KANK1: variants seen among roughly 807,000 people sequenced by gnomAD.
KANK1 encodes the protein KN motif and ankyrin repeat domain-containing protein 1.
A neutral mutation model predicts 106.2 loss-of-function variants in KANK1; 109 were observed. The observed-to-expected ratio is 1.03, with a 90% CI of 0.88 to 1.20. The LOEUF is 1.20. Among genes scored for constraint, KANK1 ranks in the 50% most tolerant of loss-of-function variants. KANK1 has a pLI of 0.00. For synonymous variants in KANK1, 873 were observed against 652.2 expected, an observed-to-expected ratio of 1.34 and a Z score of -5.16; for missense variants, 2,399 against 1,710.7, an observed-to-expected ratio of 1.40 and a Z score of -7.10.
intron 5 of KANK1, 176 bp downstream of exon 5, chr9:731,442 T>C (rs1390273660): frequency 4.0e-6 from 2 of 499,370 alleles, no homozygotes; most frequent in Non-Finnish European, 7.3e-6. Context: ...TGGTGCTGTC[T>C]TTAAGGATTT....
At chr9:545,665 G>C (rs76109924) in intron 1 of KANK1, among the ~76,000 whole-genome samples, 1 of 151,334 alleles carries the variant, frequency 6.6e-6, no homozygotes, top group East Asian at 2.0e-4. Flanking sequence ...AGAACTTTCA[G>C]GGACTTCATG....
chr9:679,449 C>T (rs1454371146), intron 2 of KANK1, among the ~76,000 whole-genome samples: 1 of 152,140 alleles, frequency 6.6e-6, no homozygotes, highest in Non-Finnish European at 1.5e-5. Context: ...GAGTCTTGCT[C>T]TGTCACCCAG....
intron 2 of KANK1, among the ~76,000 whole-genome samples, chr9:694,859 G>A (rs553603547): frequency 4.6e-5 from 7 of 152,256 alleles, no homozygotes; most frequent in South Asian, 2.1e-4. Context: ...TGAGTGGGAC[G>A]TGCAGAGGGG....
chr9:605,058 C>T (rs773652201), intron 1 of KANK1, among the ~76,000 whole-genome samples: 3 of 151,544 alleles, frequency 2.0e-5, no homozygotes, highest in Non-Finnish European at 4.4e-5. Flanking sequence ...AATCCCAGCT[C>T]TTTGGGAGGC....
chr9:586,610 T>C (rs1263944511), intron 1 of KANK1, among the ~76,000 whole-genome samples: 7 of 152,150 alleles, frequency 4.6e-5, no homozygotes. Flanking sequence ...GTGTGTGTTA[T>C]GGAGTGGTCT....
intron 1 of KANK1, among the ~76,000 whole-genome samples, chr9:583,875 A>T: frequency 6.6e-6 from 1 of 152,092 alleles, no homozygotes; most frequent in East Asian, 1.9e-4. Flanking sequence ...AACCCCAAAG[A>T]TATGCTAATC....
At chr9:732,785 C>CT in intron 6 of KANK1, 168 bp downstream of exon 6, 1 of 641,984 alleles carries the variant, frequency 1.6e-6, no homozygotes, top group Non-Finnish European at 2.6e-6. Context: ...TATTACAACT[C>CT]TTAGATCTCT....
In KANK1 at chr9:608,278, C is replaced by G. The variant is rs538532317; in HGVS notation, c.-83-68612C>G. Among the ~76,000 whole-genome samples, 10 of 151,278 alleles carry G rather than the reference C, an allele frequency of 6.6e-5. No individual in the cohort carries two copies. In the South Asian group the frequency reaches 1.9e-3, roughly 28 times the overall value. ...GGTCTCGATCTCCTGACCTCATGAT[C>G]CACCCGCCTCGGCCTCCCAAAGTGC... On this transcript the variant is annotated intron_variant, in intron 1 of 11. Transcript: ENST00000382297.
chr9:512,903 T>C, intron 1 of KANK1, among the ~76,000 whole-genome samples: 1 of 152,230 alleles, frequency 6.6e-6, no homozygotes, highest in Non-Finnish European at 1.5e-5. Context: ...TTTTGCCTTA[T>C]TATTTTTAGT....
intron 1 of KANK1, among the ~76,000 whole-genome samples, chr9:622,091 T>C (rs1401438596): frequency 1.3e-5 from 2 of 152,222 alleles, no homozygotes; most frequent in African/African-American, 4.8e-5. Context: ...GTTCGTTTGT[T>C]GTGTCATGGG....
chr9:472,911 T>C (rs996282717), intron 2 of KANK1, among the ~76,000 whole-genome samples: 1 of 152,152 alleles, frequency 6.6e-6, no homozygotes, highest in African/African-American at 2.4e-5. Context: ...TGAACTACCC[T>C]AGGTGAGACC....
intron 1 of KANK1, among the ~76,000 whole-genome samples, chr9:518,889 ATT>A (rs141987271): frequency 8.8e-5 from 13 of 147,740 alleles, no homozygotes; most frequent in Middle Eastern, 3.5e-3. Flanking sequence ...TTGTCTTTAA[ATT>A]TTTTTTTTTT....
chr9:569,521 C>G (rs1260918104), intron 1 of KANK1, among the ~76,000 whole-genome samples: 1 of 152,146 alleles, frequency 6.6e-6, no homozygotes, highest in Non-Finnish European at 1.5e-5. Context: ...CAAGTCCCCA[C>G]CAGCAAGAAG....
Position 711,390 on chromosome 9 carries a change from C to G in KANK1, c.624C>G (p.Ala208=), listed in dbSNP as rs116178720. 2.2e-3 allele frequency: 3,597 copies of G among 1,614,126 alleles called. 61 individuals carry two copies. In the African/African-American group the frequency reaches 0.038, roughly 17 times the overall value. The change falls in exon 3 of 12, where the codon GCC becomes GCG. Residue 208 remains alanine (A), a synonymous_variant. Transcript: ENST00000382297. ...SFVGSGNHNP[A]KHQLQNGYQG... is the part of the protein sequence containing the mutation. ...TGGGTTCTGGAAACCACAATCCTGC[C>G]AAGCACCAGCTTCAGAATGGATACC... is the stretch of plus-strand genomic sequence containing the variant.
intron 3 of KANK1, among the ~76,000 whole-genome samples, chr9:723,601 T>A (rs1046008931): frequency 6.6e-6 from 1 of 151,980 alleles, no homozygotes; most frequent in African/African-American, 2.4e-5. Context: ...CACTCTAGCC[T>A]GGGTGACAGT....
In KANK1 at chr9:744,512, A is replaced by T. The variant is rs751377528; in HGVS notation, c.3919A>T (p.Ile1307Phe). 1 of 1,614,064 alleles carries T rather than the reference A, an allele frequency of 6.2e-7. No homozygotes were observed. Among genetic ancestry groups the T allele is most frequent in the Non-Finnish European group, 8.5e-7 (1 of 1,179,982 alleles). The change falls in exon 11 of 12, where the codon ATC becomes TTC. Residue 1307 changes from isoleucine (I) to phenylalanine (F), a missense_variant. Physicochemically the swap from Ile to Phe is conservative, Grantham distance 21. Coordinates refer to ENST00000382297, the MANE Select transcript of KANK1 (RefSeq NM_015158.5). ...TAAGGATGGCAGCACTGCGCTCTCAATCGCCCTGGAAGCAGGACACAAGGA... is the reference window on the plus strand; with the variant it reads ...TAAGGATGGCAGCACTGCGCTCTCATTCGCCCTGGAAGCAGGACACAAGGA... ...EDNDGSTALS[I>F]ALEAGHKDIA...
intron 1 of KANK1, among the ~76,000 whole-genome samples, chr9:553,984 G>A (rs918200593): frequency 4.6e-5 from 7 of 152,208 alleles, no homozygotes; most frequent in African/African-American, 1.7e-4. Flanking sequence ...TCCAACCCCA[G>A]ACCTTCTGAT....
At chr9:567,596 G>A (rs1253420480) in intron 1 of KANK1, among the ~76,000 whole-genome samples, 2 of 152,198 alleles carry the variant, frequency 1.3e-5, no homozygotes, top group Non-Finnish European at 2.9e-5. Flanking sequence ...GCATTGATTG[G>A]AGCCAGCAAA....
intron 1 of KANK1, among the ~76,000 whole-genome samples, chr9:575,127 G>C (rs1024075908): frequency 1.3e-5 from 2 of 152,144 alleles, no homozygotes; most frequent in African/African-American, 4.8e-5. Context: ...TAAATGTTCT[G>C]ACATATTTCA....
Sources: allele counts gnomAD v4.1 joint callset (sites outside exome capture counted in the v4.1 genomes callset), GRCh38; gene constraint gnomAD v4.1.1; transcripts MANE v1.5; gene names NCBI Gene and HGNC (gene_info 2026-07-23, HGNC 2026-07-21).